Variants in WBP11 observed in about 807,000 individuals in gnomAD.
The protein encoded by WBP11 is WW domain binding protein 11, also known as WW domain-binding protein 11.
A neutral mutation model predicts 66.7 loss-of-function variants in WBP11; 12 were observed. The ratio of observed to expected loss-of-function variants is 0.18; its 90% confidence interval spans 0.12 to 0.29. WBP11 has a LOEUF of 0.29. WBP11 is among the 10% of genes least tolerant of loss of function. WBP11 has a pLI of 1.00. For synonymous variants in WBP11, 255 were observed against 273.8 expected (o/e 0.93, Z 0.68); for missense variants, 555 against 818.3 (o/e 0.68, Z 3.93).
At chr12:14,790,182 A>G (rs1949804540) in intron 10 of WBP11, among the ~76,000 whole-genome samples, 1 of 152,232 alleles carries the variant, frequency 6.6e-6, no homozygotes, top group South Asian at 2.1e-4. Context: ...GAAAACCTCC[A>G]TTACATGTTC....
At chr12:14,802,898 C>T (rs188017052) in intron 1 of WBP11, among the ~76,000 whole-genome samples, 1 of 152,268 alleles carries the variant, frequency 6.6e-6, no homozygotes, top group Admixed American at 6.5e-5. Flanking sequence ...GAGAATTTTA[C>T]GGAAGACACT....
intron 11 of WBP11, 95 bp from the exon 12 acceptor site, chr12:14,787,593 TAAA>T (rs1344530236): frequency 8.9e-7 from 1 of 1,129,124 alleles, no homozygotes; most frequent in African/African-American, 1.6e-5. Context: ...AATTTTTAAA[TAAA>T]TGGATAACAA....
At chr12:14,799,803 A>G in intron 3 of WBP11, 75 bp from the exon 4 acceptor site, 1 of 1,385,446 alleles carries the variant, frequency 7.2e-7, no homozygotes, top group Non-Finnish European at 9.9e-7. Context: ...TTAAGAATCT[A>G]AACAGAATAA....
intron 11 of WBP11, 85 bp from the exon 12 acceptor site, chr12:14,787,583 A>ATTTTTTTTTT: frequency 8.2e-7 from 1 of 1,226,782 alleles, no homozygotes; most frequent in East Asian, 2.7e-5. Flanking sequence ...ATTGGTTGCC[A>ATTTTTTTTTT]ATTTTTAAAT....
In WBP11 at chr12:14,799,862, A is replaced by AT. The variant is rs1949938620; in HGVS notation, c.97-135dup. The stretch of plus-strand genomic sequence containing the variant: ...TTCAACCACCAGAAACAGCTATGTA[A>AT]TTTTTTGCCTTAAAAATGTTTACAC... On this transcript the variant is annotated intron_variant, in intron 3 of 11. Coordinates refer to ENST00000261167, the MANE Select transcript of WBP11 (RefSeq NM_016312.3). The AT allele has an allele frequency of 1.7e-5, 13 of 766,608 alleles. No homozygotes were observed. In the East Asian group the frequency reaches 3.6e-4, roughly 21 times the overall value. 47.5% of individuals were successfully genotyped at this position (766,608 alleles called of 1,614,324 possible). A position where few individuals can be genotyped will look rare whatever the true frequency, so the allele number is the denominator to read the frequency against.
In WBP11 at chr12:14,793,866, C is replaced by T. The variant is rs1949854233; in HGVS notation, c.778G>A (p.Glu260Lys). 1 of 1,613,904 alleles carries T rather than the reference C, an allele frequency of 6.2e-7. No homozygotes were observed. Among genetic ancestry groups the T allele is most frequent in the Non-Finnish European group, 8.5e-7 (1 of 1,179,918 alleles). The change falls in exon 8 of 12, where the codon GAG (glutamate) becomes AAG (lysine). Residue 260 changes from glutamate (E) to lysine (K), a missense_variant. Glu to Lys is a moderately conservative substitution (Grantham distance 56). Around this residue, in one of 6 missense-constraint regions of WBP11, gnomAD observed 220 missense variants for 268.2 expected, o/e 0.82. Transcript: ENST00000261167. ...TCATGCTTATCTTGATCCATGTCCT[C>T]AGGATAGCCATCATCTTCACTGGTG... ...SSTSEDDGYP[E>K]DMDQDKHDDS...
intron 2 of WBP11, 60 bp downstream of exon 2, chr12:14,801,260 C>G: frequency 6.5e-7 from 1 of 1,546,166 alleles, no homozygotes; most frequent in Non-Finnish European, 8.9e-7. Flanking sequence ...AAGAAATTCC[C>G]TAATATTTGC....
chr12:14,797,846 A>G (rs1949911078), intron 4 of WBP11, among the ~76,000 whole-genome samples: 1 of 152,174 alleles, frequency 6.6e-6, no homozygotes, highest in Non-Finnish European at 1.5e-5. Flanking sequence ...TCCACCTTCT[A>G]TCCCAAGGAG....
Position 14,796,854 on chromosome 12 carries a change from ATTCTAC to A in WBP11, c.334_339del (p.Val112_Glu113del). On this transcript the variant is annotated inframe_deletion, in exon 5 of 12. Transcript: ENST00000261167. The surrounding 1 kb of genome is among the most constrained non-coding windows in gnomAD (Gnocchi z 4.5). ...CTAAGTTGAGCCCTCTTCTGTTCAT[ATTCTAC>A]TTCTAGCTTTCTCAATTCTTTGTAA... 6.2e-7 allele frequency: 1 copy of A among 1,611,044 alleles called. No homozygotes were observed. Among genetic ancestry groups the A allele is most frequent in the Non-Finnish European group, 8.5e-7 (1 of 1,179,138 alleles).
intron 1 of WBP11, 69 bp downstream of exon 1, chr12:14,803,282 AG>A: frequency 2.5e-6 from 1 of 396,122 alleles, no homozygotes; most frequent in Non-Finnish European, 4.4e-6. Flanking sequence ...GTGTCCCCCA[AG>A]CCGCTGCGCG....
rs1592215492 is a variant in WBP11 at position 14,789,114 on chromosome 12, T to A, written c.1329A>T (p.Arg443Ser). The change falls in exon 11 of 12, where the codon AGA becomes AGT. Residue 443 changes from arginine to serine, a missense_variant. Physicochemically the swap from Arg to Ser is moderately radical, Grantham distance 110. Coordinates refer to ENST00000261167, the MANE Select transcript of WBP11 (RefSeq NM_016312.3). ...GPPPGAPPFLRPPGMPGLRGP... is the reference protein window; with the variant it reads ...GPPPGAPPFLSPPGMPGLRGP... ...CTCGGAGTCCTGGCATTCCAGGTGG[T>A]CTCAGGAATGGAGGAGCTCCTGAAA... 6.5e-7 allele frequency: 1 copy of A among 1,531,208 alleles called. No homozygotes were observed. The highest frequency in any genetic ancestry group is 2.4e-5 in the Admixed American group (1 of 42,222). The allele number at this position is 1,531,208 out of a possible 1,614,324, so 94.9% of individuals were successfully genotyped here. A position where few individuals can be genotyped will look rare whatever the true frequency, so the allele number is the denominator to read the frequency against.
Position 14,799,737 on chromosome 12 carries a change from A to T in WBP11, c.97-9T>A. The T allele has an allele frequency of 1.2e-6, 2 of 1,611,266 alleles. No homozygotes were observed. The highest frequency in any genetic ancestry group is 2.2e-5 in the South Asian group (2 of 90,810). On this transcript the variant is annotated splice_polypyrimidine_tract_variant and intron_variant, in intron 3 of 11. Coordinates refer to ENST00000261167, the MANE Select transcript of WBP11 (RefSeq NM_016312.3). ...ATGCGCTGTTTTTTGTTCTTAGAAA[A>T]ATAAAAGGGCAGATGTCAAGAAGTC...
chr12:14,785,530 A>G lies in WBP11; in HGVS notation c.*1535T>C, dbSNP rs558975576. 4 of 152,302 alleles carry G rather than the reference A, an allele frequency of 2.6e-5. No homozygotes were observed. Among genetic ancestry groups the G allele is most frequent in the African/African-American group, 9.6e-5 (4 of 41,564 alleles). The allele number at this position is 152,302 out of a possible 1,614,324, so 9.4% of individuals were successfully genotyped here. A position where few individuals can be genotyped will look rare whatever the true frequency, so the allele number is the denominator to read the frequency against. On this transcript the variant is annotated 3_prime_UTR_variant, in exon 12 of 12. Coordinates refer to ENST00000261167, the MANE Select transcript of WBP11 (RefSeq NM_016312.3). Reference sequence around the variant, plus strand: ...GTATTAATATTACACTAAAAAACCAACCCAAAACGGTCTATTTAGTGCTTT... The same window carrying G: ...GTATTAATATTACACTAAAAAACCAGCCCAAAACGGTCTATTTAGTGCTTT...
Position 14,801,411 on chromosome 12 carries a change from C to T in WBP11, c.-28G>A, listed in dbSNP as rs1021563796. The T allele has an allele frequency of 1.2e-6, 2 of 1,605,474 alleles. No homozygotes were observed. The highest frequency in any genetic ancestry group is 8.5e-7 in the Non-Finnish European group (1 of 1,176,110). On this transcript the variant is annotated 5_prime_UTR_variant, in exon 2 of 12. It removes an upstream start codon present in the reference 5' UTR. Coordinates refer to ENST00000261167, the MANE Select transcript of WBP11 (RefSeq NM_016312.3). ...TGACAATTTGTATGGTTTACTTGTT[C>T]ATTAAAAAAAGAAAAACCTGTGAAG... is the stretch of plus-strand genomic sequence containing the variant.
At position 14,790,588 on chromosome 12, in the gene WBP11, G is replaced by C. The variant is rs267603395; in HGVS notation, c.1177C>G (p.Pro393Ala). 6.2e-7 allele frequency: 1 copy of C among 1,614,020 alleles called. No homozygotes were observed. The highest frequency in any genetic ancestry group is 1.1e-5 in the South Asian group (1 of 91,078). The change falls in exon 10 of 12, where the codon CCG becomes GCG. Residue 393 changes from proline (P) to alanine (A), a missense_variant. By Grantham distance (27) the Pro-to-Ala change is conservative (BLOSUM62 -1). Around this residue, in one of 6 missense-constraint regions of WBP11, gnomAD observed 230 missense variants for 286.3 expected, o/e 0.80. Transcript: ENST00000261167. ...TGAGAAGGAGGAACAGACTGCGGCG[G>C]AGCCTGCTGCTGTGAAGAAGCAGTG... ...TSTASSQQQA[P>A]PQSVPPSQIQ...
In WBP11 at chr12:14,785,750, A is replaced by T. The variant is rs139273278; in HGVS notation, c.*1315T>A. ...ATGGGATTCATGTAAAAGGCATTTG[A>T]GATACTGTGGAAAGTAACGTATGCC... On this transcript the variant is annotated 3_prime_UTR_variant, in exon 12 of 12. Coordinates refer to ENST00000261167, the MANE Select transcript of WBP11 (RefSeq NM_016312.3). 1 of 152,226 alleles carries T rather than the reference A, an allele frequency of 6.6e-6. No homozygotes were observed. The highest frequency in any genetic ancestry group is 1.5e-5 in the Non-Finnish European group (1 of 68,026). 9.4% of individuals were successfully genotyped at this position (152,226 alleles called of 1,614,324 possible). A position where few individuals can be genotyped will look rare whatever the true frequency, so the allele number is the denominator to read the frequency against.
In WBP11 at chr12:14,791,283, A is replaced by T; in HGVS notation, c.914-13T>A. ...CGTACACTCAGACCTAAGGGGACAAAGGAGGGAGTGGAGTAGATTGGCATC... is the reference window on the plus strand; with the variant it reads ...CGTACACTCAGACCTAAGGGGACAATGGAGGGAGTGGAGTAGATTGGCATC... On this transcript the variant is annotated splice_polypyrimidine_tract_variant and intron_variant, in intron 8 of 11. Transcript: ENST00000261167. 1 of 1,612,414 alleles carries T rather than the reference A, an allele frequency of 6.2e-7. No individual in the cohort carries two copies. The highest frequency in any genetic ancestry group is 8.5e-7 in the Non-Finnish European group (1 of 1,178,544).
At chr12:14,787,761 A>G (rs546296652) in intron 11 of WBP11, among the ~76,000 whole-genome samples, 2 of 152,330 alleles carry the variant, frequency 1.3e-5, no homozygotes, top group African/African-American at 4.8e-5. Context: ...ATATAAAGGG[A>G]CATCAACTGG....
chr12:14,787,597 T>G (rs980569933), intron 11 of WBP11, 99 bp from the exon 12 acceptor site: 8 of 1,101,772 alleles, frequency 7.3e-6, no homozygotes, highest in Non-Finnish European at 8.5e-6. Flanking sequence ...TTTAAATAAA[T>G]GGATAACAAC....
Sources: allele counts gnomAD v4.1 joint callset (sites outside exome capture counted in the v4.1 genomes callset), GRCh38; gene constraint gnomAD v4.1.1; regional missense constraint gnomAD v4.1.1; non-coding constraint Gnocchi (gnomAD v3.1); transcripts MANE v1.5; gene names NCBI Gene and HGNC (gene_info 2026-07-23, HGNC 2026-07-21).